The following GALNT17 variants were observed in gnomAD, a reference collection of about 807,000 sequenced individuals.
The protein encoded by GALNT17 is UDP-GalNAc:polypeptide N-acetylgalactosaminyltransferase-like 3.
GALNT17 carries 29 observed loss-of-function variants against 63.7 expected under a neutral mutation model. The ratio of observed to expected loss-of-function variants is 0.46; its 90% confidence interval spans 0.34 to 0.62. The LOEUF is 0.62. GALNT17 is among the 20% of genes least tolerant of loss of function. The pLI is 0.01. For synonymous variants in GALNT17, 305 were observed against 318.3 expected (o/e 0.96, Z 0.45); for missense variants, 603 against 799.6 (o/e 0.75, Z 2.97).
At chr7:71,710,193 A>C (rs1562745196) in intron 9 of GALNT17, among the ~76,000 whole-genome samples, 2 of 152,130 alleles carry the variant, frequency 1.3e-5, no homozygotes, top group African/African-American at 4.8e-5. Context: ...AGGTCCTAAA[A>C]CATTGACTGA....
intron 1 of GALNT17, among the ~76,000 whole-genome samples, chr7:71,299,022 G>C (rs1323965643): frequency 6.6e-6 from 1 of 152,118 alleles, no homozygotes; most frequent in African/African-American, 2.4e-5. Flanking sequence ...GACTATCGGA[G>C]TTCCAAATGT....
chr7:71,508,531 T>C (rs1423211031), intron 5 of GALNT17, among the ~76,000 whole-genome samples: 1 of 152,060 alleles, frequency 6.6e-6, no homozygotes, highest in Non-Finnish European at 1.5e-5. Context: ...CATTAAAAAC[T>C]AGAGAAGTGA....
intron 2 of GALNT17, among the ~76,000 whole-genome samples, chr7:71,339,254 G>C (rs981031140): frequency 3.9e-5 from 6 of 152,218 alleles, no homozygotes; most frequent in Non-Finnish European, 7.3e-5. Context: ...TCTTGTCTAG[G>C]GAGGAAGACA....
chr7:71,630,441 C>T (rs897037754), intron 6 of GALNT17, among the ~76,000 whole-genome samples: 1 of 152,198 alleles, frequency 6.6e-6, no homozygotes, highest in Non-Finnish European at 1.5e-5. Context: ...TTTCCTTGAC[C>T]TCTTTTTGTC....
At chr7:71,646,768 A>G (rs561460598) in intron 6 of GALNT17, among the ~76,000 whole-genome samples, 11 of 123,554 alleles carry the variant, frequency 8.9e-5, no homozygotes, top group Non-Finnish European at 1.1e-4. Context: ...TTTTTTTGAG[A>G]TAGAGTCTCG....
intron 2 of GALNT17, among the ~76,000 whole-genome samples, chr7:71,384,665 C>G (rs1792907995): frequency 6.6e-6 from 1 of 152,054 alleles, no homozygotes. Context: ...AGGAATTAGC[C>G]CGGTAGGAAT....
At chr7:71,452,782 A>G (rs539092932) in intron 5 of GALNT17, among the ~76,000 whole-genome samples, 3 of 152,188 alleles carry the variant, frequency 2.0e-5, no homozygotes, top group Non-Finnish European at 4.4e-5. Flanking sequence ...TCTCTGGTGG[A>G]TACAGGCCCA....
At chr7:71,625,591 AG>A (rs1275559551) in intron 6 of GALNT17, among the ~76,000 whole-genome samples, 2 of 152,116 alleles carry the variant, frequency 1.3e-5, no homozygotes, top group African/African-American at 4.8e-5. Context: ...AAGCCTGGGA[AG>A]GTTCTGATTG....
chr7:71,270,367 T>G lies in GALNT17; in HGVS notation c.239-65183T>G, dbSNP rs1278363764. Among the ~76,000 whole-genome samples the G allele has an allele frequency of 2.0e-5, 3 of 151,454 alleles. No homozygotes were observed. The East Asian group carries it at 5.9e-4, about 30-fold the overall frequency. On this transcript the variant is annotated intron_variant, in intron 1 of 10. Transcript: ENST00000333538. ...TGAAACCCCGTCTCTACTAAAAAAATAACAAAAATTAGCTGGGCGTGGTGG... is the reference window on the plus strand; with the variant it reads ...TGAAACCCCGTCTCTACTAAAAAAAGAACAAAAATTAGCTGGGCGTGGTGG...
intron 1 of GALNT17, among the ~76,000 whole-genome samples, chr7:71,297,697 C>T (rs1156954348): frequency 6.6e-6 from 1 of 152,218 alleles, no homozygotes; most frequent in Non-Finnish European, 1.5e-5. Context: ...TTTCAACCAA[C>T]AGGTGAATGA....
chr7:71,409,140 G>T (rs1335257240), intron 3 of GALNT17, among the ~76,000 whole-genome samples: 1 of 151,818 alleles, frequency 6.6e-6, no homozygotes, highest in African/African-American at 2.4e-5. Flanking sequence ...CTTCCAAGGG[G>T]TTCAGTTTTT....
At chr7:71,684,761 C>T (rs1791327290) in intron 9 of GALNT17, among the ~76,000 whole-genome samples, 1 of 152,096 alleles carries the variant, frequency 6.6e-6, no homozygotes. Flanking sequence ...CTCCTGGGTT[C>T]AAGCAACCCT....
chr7:71,495,400 T>A (rs1028284392), intron 5 of GALNT17, among the ~76,000 whole-genome samples: 2 of 152,202 alleles, frequency 1.3e-5, no homozygotes, highest in African/African-American at 2.4e-5. Flanking sequence ...GCAGTTTTCT[T>A]TTTTGAGCAC....
chr7:71,529,429 AT>A (rs1429488783), intron 5 of GALNT17, among the ~76,000 whole-genome samples: 2 of 152,234 alleles, frequency 1.3e-5, no homozygotes, highest in African/African-American at 4.8e-5. Context: ...GTAAAAAAAA[AT>A]CGAAGAGACT....
At chr7:71,193,284 G>A (rs964383612) in intron 1 of GALNT17, among the ~76,000 whole-genome samples, 1 of 151,502 alleles carries the variant, frequency 6.6e-6, no homozygotes, top group Non-Finnish European at 1.5e-5. Context: ...TTGTTTTGTA[G>A]AGGTGGGGTC....
chr7:71,633,010 A>G (rs1790473847), intron 6 of GALNT17, among the ~76,000 whole-genome samples: 1 of 150,022 alleles, frequency 6.7e-6, no homozygotes, highest in Non-Finnish European at 1.5e-5. Context: ...AAGCTGAGGC[A>G]TGAGAATCGC....
At chr7:71,187,689 A>G (rs751616327) in intron 1 of GALNT17, among the ~76,000 whole-genome samples, 4 of 151,936 alleles carry the variant, frequency 2.6e-5, no homozygotes, top group Non-Finnish European at 5.9e-5. Context: ...TGTGTGGGGG[A>G]ATGGCTGAGG....
intron 5 of GALNT17, among the ~76,000 whole-genome samples, chr7:71,550,547 A>AT (rs931589864): frequency 1.3e-5 from 2 of 151,918 alleles, no homozygotes; most frequent in African/African-American, 2.4e-5. Context: ...TGCCCAGCTA[A>AT]TTTTTTTGTA....
intron 5 of GALNT17, among the ~76,000 whole-genome samples, chr7:71,544,077 G>C (rs1389664888): frequency 6.6e-6 from 1 of 150,770 alleles, no homozygotes; most frequent in Non-Finnish European, 1.5e-5. Flanking sequence ...ACAGATGTCA[G>C]CCACCTCACC....
Sources: allele counts gnomAD v4.1 joint callset (sites outside exome capture counted in the v4.1 genomes callset), GRCh38; gene constraint gnomAD v4.1.1; transcripts MANE v1.5; gene names NCBI Gene and HGNC (gene_info 2026-07-23, HGNC 2026-07-21).